Variants in USH2A observed in about 807,000 individuals in gnomAD.
USH2A encodes usherin, also known as Usher syndrome 2A (autosomal recessive, mild).
Under a neutral mutation model 538.9 loss-of-function variants are expected in USH2A, and 443 were observed. The ratio of observed to expected loss-of-function variants is 0.82; its 90% CI spans 0.76 to 0.89. The LOEUF (loss-of-function observed/expected upper bound fraction) is 0.89. Among genes scored for constraint, USH2A ranks in the 40% least tolerant of loss-of-function variants. USH2A has a pLI of 0.00. For synonymous variants in USH2A, 2,413 were observed against 2,273.5 expected, an observed-to-expected ratio of 1.06 and a Z score of -1.75; for missense variants, 6,633 against 6,324.8, an observed-to-expected ratio of 1.05 and a Z score of -1.65.
chr1:216,366,466 G>T (rs1385903799), intron 3 of USH2A, among the ~76,000 whole-genome samples: 1 of 152,016 alleles, frequency 6.6e-6, no homozygotes. Context: ...CCTGAAACTG[G>T]TTATACTTTT....
chr1:216,153,725 A>G (rs1001631489), intron 21 of USH2A, among the ~76,000 whole-genome samples: 1 of 152,306 alleles, frequency 6.6e-6, no homozygotes. Context: ...AGGGGAAAAA[A>G]ACCCTCAAAA....
chr1:216,397,847 C>T (rs145013284), intron 3 of USH2A, among the ~76,000 whole-genome samples: 194 of 152,328 alleles, frequency 1.3e-3, no homozygotes, highest in Non-Finnish European at 2.2e-3. Context: ...TTGCTGACAG[C>T]CTGTCGTGGG....
At chr1:215,828,326 C>T (rs918114067) in intron 47 of USH2A, among the ~76,000 whole-genome samples, 1 of 152,068 alleles carries the variant, frequency 6.6e-6, no homozygotes, top group Non-Finnish European at 1.5e-5. Context: ...GGTGTGGTGG[C>T]ATATGCCTAT....
At chr1:216,182,977 T>G (rs76245980) in intron 20 of USH2A, among the ~76,000 whole-genome samples, 1,556 of 152,226 alleles carry the variant, frequency 0.01, 27 homozygotes, top group African/African-American at 0.036. Context: ...AGTGCTTCTT[T>G]TCACATGCCC....
At chr1:216,073,016 G>T in intron 28 of USH2A, 47 bp from the exon 29 acceptor site, 2 of 1,609,922 alleles carry the variant, frequency 1.2e-6, no homozygotes, top group Non-Finnish European at 1.7e-6. Flanking sequence ...TACTCATATA[G>T]ATTAATGAGG....
intron 20 of USH2A, 138 bp from the exon 21 acceptor site, chr1:216,175,620 G>A: frequency 1.2e-6 from 1 of 847,522 alleles, no homozygotes; most frequent in Admixed American, 2.2e-5. Context: ...TATCTGTATG[G>A]CTCTAGGAAC....
intron 36 of USH2A, among the ~76,000 whole-genome samples, chr1:215,968,763 A>G (rs1485008648): frequency 6.6e-6 from 1 of 152,186 alleles, no homozygotes; most frequent in Non-Finnish European, 1.5e-5. Context: ...TAGAAATGAT[A>G]AATTTTCTGT....
At chr1:215,870,287 A>G (rs997456690) in intron 43 of USH2A, among the ~76,000 whole-genome samples, 1 of 145,194 alleles carries the variant, frequency 6.9e-6, no homozygotes, top group Non-Finnish European at 1.5e-5. Flanking sequence ...TTTATTTTTT[A>G]TTTTTTTTTT....
chr1:216,042,012 T>A (rs1026213779), intron 32 of USH2A, among the ~76,000 whole-genome samples: 1 of 151,980 alleles, frequency 6.6e-6, no homozygotes, highest in African/African-American at 2.4e-5. Flanking sequence ...TATAAGAATA[T>A]CTATGTCAAG....
Position 216,019,608 on chromosome 1 carries a change from A to G in USH2A, c.6326-19046T>C, listed in dbSNP as rs1369183414. On this transcript the variant is annotated intron_variant, in intron 32 of 71. Coordinates refer to ENST00000307340, the MANE Select transcript of USH2A (RefSeq NM_206933.4). ...TTTCTAAGATTAAATTCTCTACTGT[A>G]TGTCTATTTAATAAAAACAACTTGG... Among the ~76,000 whole-genome samples the G allele has an allele frequency of 3.3e-5, 5 of 152,304 alleles. No individual in the cohort carries two copies. The South Asian group carries it at 1.0e-3, about 32-fold the overall frequency.
intron 70 of USH2A, among the ~76,000 whole-genome samples, chr1:215,633,176 C>T (rs1222918515): frequency 1.3e-5 from 2 of 152,140 alleles, no homozygotes; most frequent in Non-Finnish European, 2.9e-5. Context: ...GAGTGTGAGC[C>T]ACCCAAGGAG....
chr1:215,858,306 C>T (rs1664224044), intron 44 of USH2A, among the ~76,000 whole-genome samples: 1 of 151,682 alleles, frequency 6.6e-6, no homozygotes, highest in Admixed American at 6.6e-5. Context: ...GTCCCATGTC[C>T]CCACCCAAAT....
intron 64 of USH2A, among the ~76,000 whole-genome samples, chr1:215,657,475 G>T (rs1350504814): frequency 6.6e-6 from 1 of 152,210 alleles, no homozygotes; most frequent in Non-Finnish European, 1.5e-5. Flanking sequence ...GTGCTGAAAA[G>T]CTCTAGGAGC....
intron 16 of USH2A, among the ~76,000 whole-genome samples, chr1:216,200,970 C>CCCCTCCCTCCCT (rs1558313736): frequency 1.0e-4 from 5 of 49,376 alleles, no homozygotes; most frequent in Non-Finnish European, 1.6e-4. Context: ...TTCCCCTCCC[C>CCCCTCCCTCCCT]CCATCCATCC....
intron 37 of USH2A, among the ~76,000 whole-genome samples, chr1:215,951,163 T>A (rs530090424): frequency 1.2e-4 from 18 of 152,340 alleles, no homozygotes; most frequent in African/African-American, 4.1e-4. Flanking sequence ...CAATTTTAGA[T>A]CTTTCCTGCT....
chr1:216,310,287 A>C (rs1038225986), intron 9 of USH2A, among the ~76,000 whole-genome samples: 4 of 152,008 alleles, frequency 2.6e-5, no homozygotes, highest in Non-Finnish European at 5.9e-5. Context: ...TTTCCTTTGT[A>C]AGTATTAAAT....
intron 62 of USH2A, among the ~76,000 whole-genome samples, chr1:215,679,101 T>C (rs186754026): frequency 1.8e-4 from 27 of 152,336 alleles, no homozygotes; most frequent in African/African-American, 6.5e-4. Context: ...GGGAAGCAGC[T>C]TGCTACTGCT....
chr1:216,208,165 G>C (rs1213500336), intron 15 of USH2A, among the ~76,000 whole-genome samples: 4 of 151,998 alleles, frequency 2.6e-5, no homozygotes, highest in African/African-American at 9.7e-5. Flanking sequence ...CCCTGCTTTT[G>C]AGAGTGAATT....
chr1:215,639,909 A>G (rs1558033551), intron 68 of USH2A, among the ~76,000 whole-genome samples: 1 of 152,206 alleles, frequency 6.6e-6, no homozygotes, highest in Non-Finnish European at 1.5e-5. Flanking sequence ...AAAATAAAAT[A>G]CTCATTAATC....
Sources: gnomAD v4.1 joint callset for allele counts (sites outside exome capture counted in the v4.1 genomes callset) on GRCh38, gnomAD v4.1.1 for gene constraint, MANE v1.5 for transcripts, NCBI Gene and HGNC (gene_info 2026-07-23, HGNC 2026-07-21) for gene names.